The following SCNN1A variants were observed in gnomAD, a reference collection of about 807,000 sequenced individuals.
SCNN1A encodes the protein epithelial sodium channel subunit alpha.
SCNN1A carries 65 observed loss-of-function variants against 68.6 expected under a neutral mutation model. The ratio of observed to expected loss-of-function variants is 0.95; its 90% CI spans 0.78 to 1.16. The LOEUF is 1.16. Among genes scored for constraint, SCNN1A ranks in the 50% most tolerant of loss-of-function variants. The pLI is 0.00. For missense variants in SCNN1A, 880 were observed against 865.9 expected (o/e 1.02, Z -0.20); for synonymous variants, 357 against 353.3 (o/e 1.01, Z -0.12).
In SCNN1A at chr12:6,370,708, C is replaced by T. The variant is rs1948774778; in HGVS notation, c.416+3660G>A. 2.6e-5 allele frequency among the ~76,000 whole-genome samples: 4 copies of T among 152,198 alleles called. 1 individual carries two copies. In the South Asian group the frequency reaches 8.3e-4, roughly 32 times the overall value. On this transcript the variant is annotated intron_variant, in intron 2 of 12. Coordinates refer to ENST00000228916, the MANE Select transcript of SCNN1A (RefSeq NM_001038.6). ...AGGGTCTGCCCGCCACGTCTGGGGA[C>T]CACAGGCAGGGACGGCCTCCCTAGC...
upstream of SCNN1A, chr12:6,377,193 G>T: frequency 6.8e-7 from 1 of 1,467,518 alleles, no homozygotes; most frequent in Non-Finnish European, 9.3e-7. Context: ...AGTCTCTTGC[G>T]ACTTCTTAAA....
chr12:6,376,460 G>A (rs1948911754), upstream of SCNN1A, among the ~76,000 whole-genome samples: 1 of 152,226 alleles, frequency 6.6e-6, no homozygotes, highest in African/African-American at 2.4e-5. Context: ...CAGACCCGGA[G>A]CCCAGGAAGA....
At chr12:6,362,518 A>C (rs1948597443) in intron 3 of SCNN1A, among the ~76,000 whole-genome samples, 1 of 152,086 alleles carries the variant, frequency 6.6e-6, no homozygotes, top group African/African-American at 2.4e-5. Flanking sequence ...CTAGGGTGGA[A>C]GGAGCAAGAC....
At chr12:6,353,749 C>A (rs1948434437) in intron 8 of SCNN1A, 1 of 117,788 alleles carries the variant, frequency 8.5e-6, no homozygotes, top group Admixed American at 8.5e-5. Flanking sequence ...GCCACCTCGC[C>A]CGGCTAATTT....
intron 2 of SCNN1A, among the ~76,000 whole-genome samples, chr12:6,369,310 A>T (rs1251267567): frequency 7.4e-6 from 1 of 135,318 alleles, no homozygotes; most frequent in Non-Finnish European, 1.7e-5. Context: ...CCCTCCTGCC[A>T]CCCTACGCAC....
intron 4 of SCNN1A, among the ~76,000 whole-genome samples, chr12:6,360,029 C>T (rs1210009268): frequency 6.6e-6 from 1 of 152,178 alleles, no homozygotes; most frequent in East Asian, 1.9e-4. Flanking sequence ...TCTCGGTCTC[C>T]CAAAGTGCTG....
At chr12:6,373,446 T>C (rs1177788519) in intron 2 of SCNN1A, among the ~76,000 whole-genome samples, 1 of 152,214 alleles carries the variant, frequency 6.6e-6, no homozygotes, top group African/African-American at 2.4e-5. Context: ...CTACCTGGCC[T>C]TCAATAAAGG....
rs1948857941 is a variant in SCNN1A at position 6,374,430 on chromosome 12, G to A, written c.354C>T (p.Ile118=). The A allele has an allele frequency of 1.2e-6, 2 of 1,614,124 alleles. No homozygotes were observed. Among genetic ancestry groups the A allele is most frequent in the African/African-American group, 2.7e-5 (2 of 74,934 alleles). Residue 118 remains isoleucine, a synonymous_variant, in exon 2 of 13, where the codon ATC becomes ATT. Coordinates refer to ENST00000228916, the MANE Select transcript of SCNN1A (RefSeq NM_001038.6). This position sits in a 1 kb window ranked among gnomAD's most constrained non-coding sequence, Gnocchi z 6.2. The stretch of plus-strand genomic sequence containing the variant: ...AGACGAGCTTGTCCGAGTTGAGGTT[G>A]ATGTTGAGGCTGACGGGGTAGCTGA... ...EYFSYPVSLN[I]NLNSDKLVFP...
chr12:6,363,343 G>T, intron 3 of SCNN1A, 100 bp downstream of exon 3: 1 of 1,062,086 alleles, frequency 9.4e-7, no homozygotes. Context: ...TGGTGTCACT[G>T]GGCTGCGCGG....
intron 3 of SCNN1A, 32 bp downstream of exon 3, chr12:6,363,411 C>G (rs979813812): frequency 2.3e-5 from 34 of 1,486,424 alleles, no homozygotes; most frequent in Non-Finnish European, 3.0e-5. Context: ...CGGCGAGGGG[C>G]GGGGCGGGCC....
chr12:6,370,686 G>A (rs1290692220), intron 2 of SCNN1A, among the ~76,000 whole-genome samples: 2 of 152,200 alleles, frequency 1.3e-5, no homozygotes, highest in Non-Finnish European at 1.5e-5. Flanking sequence ...GGAATGCAGG[G>A]TCTGCCCGCC....
In SCNN1A at chr12:6,348,818, G is replaced by A. The variant is rs1346605188; in HGVS notation, c.1554-16C>T. Reference sequence around the variant, plus strand: ...CACTCCATTTCTTAGGTGTGGGGCAGAGGGTGGGAAGAAATGGTAGAGGAT... The same window carrying A: ...CACTCCATTTCTTAGGTGTGGGGCAAAGGGTGGGAAGAAATGGTAGAGGAT... On this transcript the variant is annotated splice_polypyrimidine_tract_variant and intron_variant, in intron 11 of 12. Transcript: ENST00000228916. 1.9e-6 allele frequency: 3 copies of A among 1,612,958 alleles called. No homozygotes were observed. Among genetic ancestry groups the A allele is most frequent in the Non-Finnish European group, 2.5e-6 (3 of 1,179,152 alleles).
Position 6,375,516 on chromosome 12 carries a change from A to C in SCNN1A, c.-66T>G. 3 of 1,534,992 alleles carry C rather than the reference A, an allele frequency of 2.0e-6. No individual in the cohort carries two copies. The highest frequency in any genetic ancestry group is 2.6e-6 in the Non-Finnish European group (3 of 1,146,490). On this transcript the variant is annotated 5_prime_UTR_variant, in exon 1 of 13. Coordinates refer to ENST00000228916, the MANE Select transcript of SCNN1A (RefSeq NM_001038.6). ...CTCCTCCCCCTCACCTGACAGGTGC[A>C]GCGGCCTGGCTGGGGAGCCCGCCCG...
chr12:6,377,305 A>G (rs1324547978), upstream of SCNN1A: 2 of 1,539,698 alleles, frequency 1.3e-6, no homozygotes, highest in African/African-American at 1.4e-5. Context: ...ATTTTTCTTC[A>G]TTGTCCTAAT....
At position 6,354,391 on chromosome 12, in the gene SCNN1A, G is replaced by A. The variant is rs72657573; in HGVS notation, c.1360+47C>T. On this transcript the variant is annotated intron_variant, in intron 8 of 12. Transcript: ENST00000228916. Reference sequence around the variant, plus strand: ...GACTGAGAGGAAAAAGTGCCTCAGTGAGTACTGGGGTCAGTGGGGCAGGGT... The same window carrying A: ...GACTGAGAGGAAAAAGTGCCTCAGTAAGTACTGGGGTCAGTGGGGCAGGGT... 0.011 allele frequency: 13,462 copies of A among 1,268,230 alleles called. 214 individuals carry two copies. Among genetic ancestry groups the A allele is most frequent in the South Asian group, 0.043 (3,662 of 84,238 alleles). 78.6% of individuals were successfully genotyped at this position (1,268,230 alleles called of 1,614,324 possible). A position where few individuals can be genotyped will look rare whatever the true frequency, so the allele number is the denominator to read the frequency against.
intron 2 of SCNN1A, among the ~76,000 whole-genome samples, chr12:6,369,340 G>GCGCCTCCCTCCTGCCACCCTACT (rs1948741437): frequency 1.4e-5 from 2 of 142,964 alleles, no homozygotes; most frequent in African/African-American, 5.5e-5. Flanking sequence ...GCCACCCTAC[G>GCGCCTCCCTCCTGCCACCCTACT]CACCTCCCTC....
intron 3 of SCNN1A, 38 bp from the exon 4 acceptor site, chr12:6,362,279 C>T (rs369679566): frequency 1.2e-5 from 19 of 1,585,664 alleles, no homozygotes; most frequent in Middle Eastern, 1.7e-4. Flanking sequence ...GACACGCAGC[C>T]GGGGATAAGC....
intron 2 of SCNN1A, among the ~76,000 whole-genome samples, chr12:6,366,048 G>T (rs1948672791): frequency 6.6e-6 from 1 of 152,052 alleles, no homozygotes; most frequent in Non-Finnish European, 1.5e-5. Context: ...TAGAGACGGG[G>T]TTTCACCATG....
Position 6,363,599 on chromosome 12 carries a change from G to C in SCNN1A, c.528C>G (p.Ser176Arg). ...GCAGAGTCCCCCGCAGGTCGCGACG[G>C]CTGCGGGAGCCGGCCACGAGAGTGG... ...SFTTLVAGSRSRRDLRGTLPH... is the reference protein window; with the variant it reads ...SFTTLVAGSRRRRDLRGTLPH... The change falls in exon 3 of 13, where the codon AGC becomes AGG. Residue 176 changes from serine to arginine, a missense_variant. Coordinates refer to ENST00000228916, the MANE Select transcript of SCNN1A (RefSeq NM_001038.6). 2 of 1,612,394 alleles carry C rather than the reference G, an allele frequency of 1.2e-6. No homozygotes were observed. Among genetic ancestry groups the C allele is most frequent in the Non-Finnish European group, 1.7e-6 (2 of 1,179,306 alleles).
Sources: gnomAD v4.1 joint callset for allele counts (sites outside exome capture counted in the v4.1 genomes callset) on GRCh38, gnomAD v4.1.1 for gene constraint, Gnocchi (gnomAD v3.1) non-coding constraint, MANE v1.5 for transcripts, NCBI Gene and HGNC (gene_info 2026-07-23, HGNC 2026-07-21) for gene names.